COL13A1: variants seen among roughly 807,000 people sequenced by gnomAD.
COL13A1 encodes the protein collagen type XIII alpha 1 chain, also known as collagen alpha-1(XIII) chain.
COL13A1 carries 89 observed loss-of-function variants against 130.9 expected under a neutral mutation model. The observed-to-expected ratio is 0.68, with a 90% CI of 0.57 to 0.81. The LOEUF (loss-of-function observed/expected upper bound fraction) is 0.81, where lower values mean the gene tolerates loss of function less well. Among genes scored for constraint, COL13A1 ranks in the 30% least tolerant of loss-of-function variants. The pLI is 0.00. For synonymous variants in COL13A1, 402 were observed against 341.6 expected (o/e 1.18, Z -1.95); for missense variants, 879 against 934.6 (o/e 0.94, Z 0.78).
intron 1 of COL13A1, among the ~76,000 whole-genome samples, chr10:69,815,136 C>T (rs1844124411): frequency 1.3e-5 from 2 of 152,264 alleles, no homozygotes; most frequent in Admixed American, 1.3e-4. Flanking sequence ...GTGCCAGGCT[C>T]AAGGTCACAG....
chr10:69,858,828 A>C (rs1326816807), intron 2 of COL13A1, among the ~76,000 whole-genome samples: 1 of 152,196 alleles, frequency 6.6e-6, no homozygotes, highest in Non-Finnish European at 1.5e-5. Context: ...ATAAATGTAA[A>C]GGTTAAGAAA....
intron 17 of COL13A1, among the ~76,000 whole-genome samples, chr10:69,908,435 T>C (rs2063019994): frequency 6.6e-6 from 1 of 152,200 alleles, no homozygotes; most frequent in Non-Finnish European, 1.5e-5. Context: ...GGGATCAGTT[T>C]TTCATTAGCA....
chr10:69,841,395 C>T (rs1851564540), intron 2 of COL13A1, among the ~76,000 whole-genome samples: 1 of 152,224 alleles, frequency 6.6e-6, no homozygotes, highest in African/African-American at 2.4e-5. Context: ...TGTCTCCCCT[C>T]TGGACAGTTA....
chr10:69,852,251 T>A (rs564001606), intron 2 of COL13A1, among the ~76,000 whole-genome samples: 2 of 152,368 alleles, frequency 1.3e-5, no homozygotes, highest in East Asian at 3.9e-4. Context: ...CAGTCATCAG[T>A]GTGTAAATTT....
Position 69,890,954 on chromosome 10 carries a change from C to T in COL13A1, c.603+1514C>T, listed in dbSNP as rs188213370. ...GAAACACAGTTCTCAAATTCCTTCC[C>T]TCCCTTTTTTTATTAAGGTTTTATT... On this transcript the variant is annotated intron_variant, in intron 10 of 40. Coordinates refer to ENST00000645393, the MANE Select transcript of COL13A1 (RefSeq NM_001368882.1). Among the ~76,000 whole-genome samples the T allele has an allele frequency of 6.4e-3, 981 of 152,346 alleles. 12 individuals are homozygous for T. Among genetic ancestry groups the T allele is most frequent in the African/African-American group, 0.022 (922 of 41,574 alleles).
intron 1 of COL13A1, among the ~76,000 whole-genome samples, chr10:69,816,909 CTAGGG>C (rs1208248658): frequency 2.0e-5 from 3 of 152,158 alleles, no homozygotes; most frequent in African/African-American, 7.2e-5. Context: ...AGGAGTTTTT[CTAGGG>C]AAAGAGCTAA....
chr10:69,848,208 C>T (rs1486285328), intron 2 of COL13A1, among the ~76,000 whole-genome samples: 1 of 152,148 alleles, frequency 6.6e-6, no homozygotes, highest in Non-Finnish European at 1.5e-5. Context: ...GCATCTGATC[C>T]AAGTGTCACA....
In COL13A1 at chr10:69,958,792, T is replaced by C. The variant is rs1485508636; in HGVS notation, c.*91T>C. 1.0e-5 allele frequency: 16 copies of C among 1,531,278 alleles called. No individual in the cohort carries two copies. Among genetic ancestry groups the C allele is most frequent in the Non-Finnish European group, 1.4e-5 (16 of 1,118,730 alleles). The allele number at this position is 1,531,278 out of a possible 1,614,324, so 94.9% of individuals were successfully genotyped here. A position where few individuals can be genotyped will look rare whatever the true frequency, so the allele number is the denominator to read the frequency against. On this transcript the variant is annotated 3_prime_UTR_variant, in exon 41 of 41. Coordinates refer to ENST00000645393, the MANE Select transcript of COL13A1 (RefSeq NM_001368882.1). The stretch of plus-strand genomic sequence containing the variant: ...TCACTTTTTGAAAATGCCAGAAGTA[T>C]GATGCATCTTACAGATTATTAAAAA...
chr10:69,949,225 C>T (rs2136245439), intron 38 of COL13A1, among the ~76,000 whole-genome samples: 1 of 152,352 alleles, frequency 6.6e-6, no homozygotes, highest in Non-Finnish European at 1.5e-5. Flanking sequence ...GCTCTGTCGC[C>T]AGGCTGGAGT....
chr10:69,869,880 C>T (rs2058885250), intron 3 of COL13A1, among the ~76,000 whole-genome samples: 1 of 152,148 alleles, frequency 6.6e-6, no homozygotes, highest in Non-Finnish European at 1.5e-5. Flanking sequence ...GAAATATTTG[C>T]CAGCAGCTGC....
At chr10:69,864,320 T>TTGAC (rs1554908677) in intron 2 of COL13A1, among the ~76,000 whole-genome samples, 13,508 of 151,668 alleles carry the variant, frequency 0.089, 672 homozygotes, top group Admixed American at 0.11. Flanking sequence ...TAAATGTCGA[T>TTGAC]TGAATGAATG....
intron 38 of COL13A1, among the ~76,000 whole-genome samples, chr10:69,949,238 A>G (rs1014625666): frequency 6.6e-6 from 1 of 152,184 alleles, no homozygotes; most frequent in Middle Eastern, 3.2e-3. Context: ...GCTGGAGTGC[A>G]ATGGCGCGAT....
At chr10:69,950,841 A>AG (rs1393181166) in intron 38 of COL13A1, among the ~76,000 whole-genome samples, 1 of 152,126 alleles carries the variant, frequency 6.6e-6, no homozygotes, top group Non-Finnish European at 1.5e-5. Flanking sequence ...CATCAAAAAT[A>AG]TTATTTTGTT....
At chr10:69,911,547 T>C (rs188307053) in intron 17 of COL13A1, among the ~76,000 whole-genome samples, 223 of 152,322 alleles carry the variant, frequency 1.5e-3, no homozygotes, top group African/African-American at 4.9e-3. Context: ...ATCTGCCTCT[T>C]AGCAGCCCTG....
At chr10:69,853,650 T>TA (rs1235188761) in intron 2 of COL13A1, among the ~76,000 whole-genome samples, 3 of 152,076 alleles carry the variant, frequency 2.0e-5, no homozygotes, top group African/African-American at 4.8e-5. Flanking sequence ...GCATAGAATA[T>TA]AAAAAACACA....
At chr10:69,952,771 C>A (rs1382290352) in intron 38 of COL13A1, 111 bp from the exon 39 acceptor site, 8 of 744,014 alleles carry the variant, frequency 1.1e-5, no homozygotes, top group South Asian at 2.0e-5. Flanking sequence ...TAATTTAAAG[C>A]ATCTCTTTTT....
chr10:69,866,355 A>C (rs2058516237), intron 2 of COL13A1, among the ~76,000 whole-genome samples: 1 of 152,180 alleles, frequency 6.6e-6, no homozygotes, highest in South Asian at 2.1e-4. Context: ...TGGCAGGCGC[A>C]AGGCATCTGC....
intron 31 of COL13A1, among the ~76,000 whole-genome samples, chr10:69,934,302 T>C (rs983374702): frequency 6.6e-6 from 1 of 152,234 alleles, no homozygotes; most frequent in African/African-American, 2.4e-5. Flanking sequence ...CACTTACTTA[T>C]AATAAGAATT....
At chr10:69,890,961 T>G (rs2061113323) in intron 10 of COL13A1, among the ~76,000 whole-genome samples, 1 of 152,242 alleles carries the variant, frequency 6.6e-6, no homozygotes, top group Non-Finnish European at 1.5e-5. Context: ...TCCCTCCCTT[T>G]TTTTATTAAG....
Sources: allele counts gnomAD v4.1 joint callset (sites outside exome capture counted in the v4.1 genomes callset), GRCh38; gene constraint gnomAD v4.1.1; transcripts MANE v1.5; gene names NCBI Gene and HGNC (gene_info 2026-07-23, HGNC 2026-07-21).